Variants in C2CD3 observed in about 807,000 individuals in gnomAD.
C2CD3 encodes the protein C2 domain-containing protein 3.
Under a neutral mutation model 234.0 loss-of-function variants are expected in C2CD3, and 148 were observed. The observed-to-expected ratio is 0.63, with a 90% confidence interval of 0.55 to 0.72. C2CD3 has a LOEUF of 0.72. Ranked by LOEUF, C2CD3 falls within the 30% of genes least tolerant of loss-of-function variation. The probability of loss-of-function intolerance (pLI) is 0.00; values close to 1 mark genes in which losing one functional copy is unlikely to be tolerated. For missense variants in C2CD3, 2,577 were observed against 2,811.5 expected, an observed-to-expected ratio of 0.92 and a Z score of 1.89; for synonymous variants, 1,000 against 1,035.4, an observed-to-expected ratio of 0.97 and a Z score of 0.66.
Position 74,114,459 on chromosome 11 carries a change from G to T in C2CD3, c.1655C>A (p.Pro552Gln), listed in dbSNP as rs764502650. 10 of 1,614,002 alleles carry T rather than the reference G, an allele frequency of 6.2e-6. No homozygotes were observed. Among genetic ancestry groups the T allele is most frequent in the Non-Finnish European group, 7.6e-6 (9 of 1,179,918 alleles). ...RIIIETMGVP[P>Q]DSPQMTPGKK... ...GCCAGGGGTCATCTGAGGACTATCT[G>T]GAGGAACTCCCATGGTTTCGATGAT... Residue 552 changes from proline (P) to glutamine (Q), a missense_variant, in exon 10 of 33, where the codon CCA (proline) becomes CAA (glutamine). Coordinates refer to ENST00000334126, the MANE Select transcript of C2CD3 (RefSeq NM_001286577.2).
At chr11:74,129,123 C>T (rs533509425) in intron 7 of C2CD3, 2,630 of 169,844 alleles carry the variant, frequency 0.015, 74 homozygotes, top group African/African-American at 0.064. Flanking sequence ...TAGGGGCGGC[C>T]GGGCAGAGGC....
At chr11:74,019,728 G>C (rs1166279794) in intron 32 of C2CD3, among the ~76,000 whole-genome samples, 2 of 151,838 alleles carry the variant, frequency 1.3e-5, no homozygotes, top group Non-Finnish European at 2.9e-5. Context: ...CCAGGCTGAA[G>C]TGCAGTGGCA....
chr11:74,103,673 TG>T, intron 13 of C2CD3, 48 bp from the exon 14 acceptor site: 1 of 1,513,920 alleles, frequency 6.6e-7, no homozygotes. Context: ...CCTTTAGAAT[TG>T]GAATTAGAAT....
At chr11:74,146,710 CCACACA>C (rs141560536) in intron 3 of C2CD3, among the ~76,000 whole-genome samples, 129 of 84,984 alleles carry the variant, frequency 1.5e-3, no homozygotes, top group South Asian at 8.2e-3. Context: ...AAAAGTCAAA[CCACACA>C]CACACACACA....
intron 3 of C2CD3, among the ~76,000 whole-genome samples, chr11:74,142,699 T>C (rs972568192): frequency 6.6e-6 from 1 of 152,040 alleles, no homozygotes; most frequent in African/African-American, 2.4e-5. Flanking sequence ...AGTAGAACAT[T>C]AGAGGCAGAG....
rs879096657 is a variant in C2CD3, at chr11:74,168,355, G to C, written c.314C>G (p.Ser105Cys). The C allele has an allele frequency of 1.9e-6, 3 of 1,612,830 alleles. No individual in the cohort carries two copies. Among genetic ancestry groups the C allele is most frequent in the South Asian group, 2.2e-5 (2 of 91,060 alleles). Residue 105 changes from serine to cysteine, a missense_variant, in exon 2 of 33, where the codon TCT (serine) becomes TGT (cysteine). Physicochemically the swap from Ser to Cys is moderately radical, Grantham distance 112 (BLOSUM62 -1). Transcript: ENST00000334126. ...AAACAATAACATACCTGTTAGATAA[G>C]AGGTAAACTGTTTTGGACCACAACG... ...AIRCGPKQFT[S>C]YLTDMAVLVL...
chr11:74,017,334 G>T (rs1475775909), intron 32 of C2CD3, among the ~76,000 whole-genome samples: 4 of 152,174 alleles, frequency 2.6e-5, no homozygotes, highest in Non-Finnish European at 5.9e-5. Flanking sequence ...GTAGGCCAGG[G>T]GCTTTCAGGC....
In C2CD3 at chr11:74,119,794, T is replaced by C. The variant is rs556820176; in HGVS notation, c.1366-1412A>G. Among the ~76,000 whole-genome samples, 32 of 152,028 alleles carry C rather than the reference T, an allele frequency of 2.1e-4. 1 individual carries two copies. In the South Asian group the frequency reaches 5.8e-3, roughly 28 times the overall value. On this transcript the variant is annotated intron_variant, in intron 8 of 32. Transcript: ENST00000334126. ...GGGACTAAAGGAATGTGCCACCATA[T>C]CTGGCTAATTTTTGTATATTTAGTA... is the stretch of plus-strand genomic sequence containing the variant.
chr11:74,024,318 T>C (rs1952206042), intron 32 of C2CD3, among the ~76,000 whole-genome samples: 1 of 152,204 alleles, frequency 6.6e-6, no homozygotes, highest in Admixed American at 6.5e-5. Flanking sequence ...AAAAAATCTT[T>C]CAAAAATAAA....
At chr11:74,144,822 C>T (rs1302482076) in intron 3 of C2CD3, among the ~76,000 whole-genome samples, 5 of 152,014 alleles carry the variant, frequency 3.3e-5, no homozygotes, top group African/African-American at 4.8e-5. Context: ...ATAGTGTATA[C>T]GTACCACATT....
intron 11 of C2CD3, 78 bp downstream of exon 11, chr11:74,113,697 AAAAGT>A: frequency 1.2e-6 from 1 of 862,952 alleles, no homozygotes. Flanking sequence ...AAAAAAAAAA[AAAAGT>A]CAAATGAGTA....
chr11:74,130,140 A>AGGGGGAGGGAGAG (rs1397243866), intron 7 of C2CD3, among the ~76,000 whole-genome samples: 1 of 102,644 alleles, frequency 9.7e-6, no homozygotes, highest in African/African-American at 4.3e-5. Context: ...GGAGAGGGAG[A>AGGGGGAGGGAGAG]GGGAGAGGGG....
At position 74,048,485 on chromosome 11, in the gene C2CD3, C is replaced by T. The variant is rs938960915; in HGVS notation, c.5362-147G>A. On this transcript the variant is annotated intron_variant, in intron 27 of 32. Transcript: ENST00000334126. ...AACACTGTGCTAAACAATTTACATACATTTTCTCATTTATAATCTTATGAG... is the reference window on the plus strand; with the variant it reads ...AACACTGTGCTAAACAATTTACATATATTTTCTCATTTATAATCTTATGAG... The T allele has an allele frequency of 2.0e-5, 14 of 712,720 alleles. No individual in the cohort carries two copies. In the Admixed American group the frequency reaches 2.0e-4, roughly 10 times the overall value. 44.1% of individuals were successfully genotyped at this position (712,720 alleles called of 1,614,324 possible).
At position 74,164,030 on chromosome 11, in the gene C2CD3, T is replaced by C. The variant is rs9735236; in HGVS notation, c.326-2474A>G. ...ATTCCTAGGTTCACCCAGCTTTAAATTGACAGAACTGGGCTAAAACTCAGT... is the reference window on the plus strand; with the variant it reads ...ATTCCTAGGTTCACCCAGCTTTAAACTGACAGAACTGGGCTAAAACTCAGT... On this transcript the variant is annotated intron_variant, in intron 2 of 32. Coordinates refer to ENST00000334126, the MANE Select transcript of C2CD3 (RefSeq NM_001286577.2). 6.1e-3 allele frequency: 1,497 copies of C among 246,086 alleles called. 15 individuals carry two copies. The highest frequency in any genetic ancestry group is 0.033 in the African/African-American group (1,404 of 43,150). 15.2% of individuals were successfully genotyped at this position (246,086 alleles called of 1,614,324 possible).
chr11:74,104,742 G>T (rs1460289632), intron 13 of C2CD3, among the ~76,000 whole-genome samples: 1 of 152,120 alleles, frequency 6.6e-6, no homozygotes, highest in Non-Finnish European at 1.5e-5. Context: ...AGGGGTAAAA[G>T]GTTCTTGCTG....
intron 24 of C2CD3, among the ~76,000 whole-genome samples, chr11:74,070,246 G>A (rs907795161): frequency 6.6e-6 from 1 of 152,172 alleles, no homozygotes; most frequent in African/African-American, 2.4e-5. Flanking sequence ...TATCCAAGAA[G>A]TTCTTTTATT....
chr11:74,118,858 T>C (rs973270875), intron 8 of C2CD3, among the ~76,000 whole-genome samples: 1 of 152,032 alleles, frequency 6.6e-6, no homozygotes, highest in African/African-American at 2.4e-5. Context: ...TACCATAGTT[T>C]GAGGCCAAAT....
intron 7 of C2CD3, among the ~76,000 whole-genome samples, chr11:74,130,370 C>T (rs2135533989): frequency 6.6e-6 from 1 of 152,028 alleles, no homozygotes; most frequent in Non-Finnish European, 1.5e-5. Context: ...GGACTACAGT[C>T]ATATGCCACC....
rs2135493279 is a variant in C2CD3 at position 74,100,580 on chromosome 11, C to T, written c.2677G>A (p.Asp893Asn). Residue 893 changes from aspartate (D) to asparagine (N), a missense_variant, in exon 15 of 33, where the codon GAC becomes AAC. Transcript: ENST00000334126. ...AGTTTCACCAGCCCGAGCAGCTTGT[C>T]CTGTCCTGGGCTCCGCACCTTATTC... ...TWNKVRSPGQ[D>N]KLLGLVKLPL... The T allele has an allele frequency of 6.2e-7, 1 of 1,614,088 alleles. No homozygotes were observed. The highest frequency in any genetic ancestry group is 1.6e-4 in the Middle Eastern group (1 of 6,062).
Sources: allele counts gnomAD v4.1 joint callset (sites outside exome capture counted in the v4.1 genomes callset), GRCh38; gene constraint gnomAD v4.1.1; transcripts MANE v1.5; gene names NCBI Gene and HGNC (gene_info 2026-07-23, HGNC 2026-07-21).